Variants in TTLL7 observed in about 807,000 individuals in gnomAD.
The protein encoded by TTLL7 is tubulin tyrosine ligase like 7.
TTLL7 carries 53 observed loss-of-function variants against 120.2 expected under a neutral mutation model. The observed-to-expected ratio is 0.44, with a 90% CI of 0.35 to 0.55. The LOEUF (loss-of-function observed/expected upper bound fraction) is 0.55. Ranked by LOEUF, TTLL7 falls within the 20% of genes least tolerant of loss-of-function variation. The pLI is 0.00. For synonymous variants in TTLL7, 353 were observed against 351.7 expected (o/e 1.00, Z -0.04); for missense variants, 803 against 1,054.7 (o/e 0.76, Z 3.31).
At chr1:83,905,458 T>C (rs1027455545) in intron 17 of TTLL7, among the ~76,000 whole-genome samples, 2 of 151,386 alleles carry the variant, frequency 1.3e-5, no homozygotes, top group Non-Finnish European at 1.5e-5. Flanking sequence ...AAAACGAAAA[T>C]GCCAAGTGCA....
intron 8 of TTLL7, among the ~76,000 whole-genome samples, chr1:83,936,839 A>T (rs1647439025): frequency 6.6e-6 from 1 of 152,218 alleles, no homozygotes. Context: ...CACTGGCACC[A>T]ATAAGCTGCT....
At chr1:83,888,970 G>GT (rs1456289872) in intron 19 of TTLL7, among the ~76,000 whole-genome samples, 3 of 151,906 alleles carry the variant, frequency 2.0e-5, no homozygotes, top group Non-Finnish European at 4.4e-5. Context: ...GGCTCTCTTT[G>GT]TCTAAAATCC....
intron 18 of TTLL7, among the ~76,000 whole-genome samples, chr1:83,892,891 G>GAAGGAAAAA (rs1655835906): frequency 9.7e-6 from 1 of 103,380 alleles, no homozygotes; most frequent in African/African-American, 4.0e-5. Context: ...CAAAAAGAGA[G>GAAGGAAAAA]AAAGAGAAAG....
At chr1:83,915,008 A>G (rs993369195) in intron 14 of TTLL7, among the ~76,000 whole-genome samples, 1 of 152,194 alleles carries the variant, frequency 6.6e-6, no homozygotes, top group Non-Finnish European at 1.5e-5. Flanking sequence ...ACTGCTCTAT[A>G]AAAGTGTTAT....
chr1:83,893,066 T>C (rs577047960), intron 18 of TTLL7, among the ~76,000 whole-genome samples: 144 of 151,122 alleles, frequency 9.5e-4, no homozygotes, highest in African/African-American at 3.3e-3. Context: ...ACCTGGGAAA[T>C]GGGGAGCCAG....
At chr1:83,901,812 T>A (rs1273497048) in intron 18 of TTLL7, among the ~76,000 whole-genome samples, 1 of 151,964 alleles carries the variant, frequency 6.6e-6, no homozygotes, top group Non-Finnish European at 1.5e-5. Context: ...GTAATCAGCA[T>A]CAAGTTTCAG....
Position 83,886,591 on chromosome 1 carries a change from C to A in TTLL7, c.2370-3455G>T, listed in dbSNP as rs149478017. On this transcript the variant is annotated intron_variant, in intron 19 of 20. Coordinates refer to ENST00000260505, the MANE Select transcript of TTLL7 (RefSeq NM_024686.6). ...CTTAGAATATTCCTTAAAATTTCTT[C>A]TTGCCCTAAGATTCTAAAAGAAAAG... Among the ~76,000 whole-genome samples the A allele has an allele frequency of 7.2e-3, 1,095 of 152,124 alleles. 20 individuals carry two copies. The highest frequency in any genetic ancestry group is 0.025 in the African/African-American group (1,047 of 41,532).
chr1:83,968,279 C>T (rs979814760), intron 1 of TTLL7, among the ~76,000 whole-genome samples: 6 of 152,072 alleles, frequency 3.9e-5, no homozygotes, highest in Non-Finnish European at 8.8e-5. Context: ...AGTACCAGCT[C>T]TCCATCTCAC....
At chr1:83,875,634 G>T (rs1653859889) in intron 20 of TTLL7, among the ~76,000 whole-genome samples, 1 of 151,842 alleles carries the variant, frequency 6.6e-6, no homozygotes, top group Non-Finnish European at 1.5e-5. Context: ...GGGTAAGAGA[G>T]TTCCTATTAC....
At chr1:83,932,044 A>C (rs1379648660) in intron 9 of TTLL7, among the ~76,000 whole-genome samples, 1 of 152,184 alleles carries the variant, frequency 6.6e-6, no homozygotes, top group Non-Finnish European at 1.5e-5. Flanking sequence ...CGAAGGAAAG[A>C]GTAAAGAATG....
chr1:83,937,746 T>C (rs1050184864), intron 8 of TTLL7, 106 bp downstream of exon 8: 13 of 1,345,382 alleles, frequency 9.7e-6, no homozygotes, highest in African/African-American at 4.3e-5. Context: ...CTCTCAATTA[T>C]AGGGAACCAA....
intron 4 of TTLL7, 158 bp downstream of exon 4, chr1:83,949,707 C>T: frequency 5.8e-6 from 4 of 688,752 alleles, no homozygotes; most frequent in Non-Finnish European, 9.4e-6. Context: ...AGGCTTCATG[C>T]AAAGAGCCAA....
intron 20 of TTLL7, among the ~76,000 whole-genome samples, chr1:83,878,505 C>T (rs1373307493): frequency 1.3e-5 from 2 of 151,916 alleles, no homozygotes; most frequent in Non-Finnish European, 2.9e-5. Flanking sequence ...AGGCCCTGAA[C>T]TCCTATTTTA....
rs1389364992 is a variant in TTLL7, at chr1:83,921,006, A to G, written c.1364+81T>C. The stretch of plus-strand genomic sequence containing the variant: ...GAATGAAAGAAAAATGCTTAAAATA[A>G]GCACACAAGATTAAAACATGAAGAA... On this transcript the variant is annotated intron_variant, in intron 12 of 20. Coordinates refer to ENST00000260505, the MANE Select transcript of TTLL7 (RefSeq NM_024686.6). The G allele has an allele frequency of 8.5e-6, 12 of 1,414,798 alleles. No homozygotes were observed. In the African/African-American group the frequency reaches 1.0e-4, roughly 12 times the overall value. The allele number at this position is 1,414,798 out of a possible 1,614,324, so 87.6% of individuals were successfully genotyped here.
rs1353542901 is a variant in TTLL7 at position 83,938,471 on chromosome 1, CG to C, written c.724-456del. Among the ~76,000 whole-genome samples the C allele has an allele frequency of 1.2e-4, 18 of 152,000 alleles. No individual in the cohort carries two copies. In the Middle Eastern group the frequency reaches 0.014, roughly 115 times the overall value. ...AAGAAAAATAAAAAATGAAAACTCA[CG>C]TAAGTAACATAAGCCGAGAGGCAGG... On this transcript the variant is annotated intron_variant, in intron 7 of 20. Coordinates refer to ENST00000260505, the MANE Select transcript of TTLL7 (RefSeq NM_024686.6).
At chr1:83,915,645 A>G (rs908286440) in intron 14 of TTLL7, among the ~76,000 whole-genome samples, 5 of 152,160 alleles carry the variant, frequency 3.3e-5, no homozygotes, top group Admixed American at 6.5e-5. Flanking sequence ...GACAAATGGG[A>G]TCTAATTAAA....
Position 83,869,766 on chromosome 1 carries a change from G to T in TTLL7, c.*196C>A. On this transcript the variant is annotated 3_prime_UTR_variant, in exon 21 of 21. Transcript: ENST00000260505. ...GGTTAAGTCTTATATTCCATTTTCT[G>T]CTAATTCTTCTTTCATATATCATTT... is the stretch of plus-strand genomic sequence containing the variant. 2 of 367,172 alleles carry T rather than the reference G, an allele frequency of 5.4e-6. No individual in the cohort carries two copies. The highest frequency in any genetic ancestry group is 9.1e-6 in the Non-Finnish European group (2 of 220,142). 22.7% of individuals were successfully genotyped at this position (367,172 alleles called of 1,614,324 possible).
chr1:83,947,303 G>T, intron 5 of TTLL7, 21 bp from the exon 6 acceptor site: 1 of 1,564,984 alleles, frequency 6.4e-7, no homozygotes. Flanking sequence ...GACATAATAG[G>T]AAAAATAATT....
At chr1:83,926,058 T>C (rs1046215186) in intron 10 of TTLL7, among the ~76,000 whole-genome samples, 1 of 150,604 alleles carries the variant, frequency 6.6e-6, no homozygotes, top group Non-Finnish European at 1.5e-5. Context: ...GAGATGGAGG[T>C]TGCAGTGAAC....
Sources: allele counts gnomAD v4.1 joint callset (sites outside exome capture counted in the v4.1 genomes callset), GRCh38; gene constraint gnomAD v4.1.1; transcripts MANE v1.5; gene names NCBI Gene and HGNC (gene_info 2026-07-23, HGNC 2026-07-21).